The following EYS variants were observed in gnomAD, a reference collection of about 807,000 sequenced individuals.
EYS encodes the protein EGF-like photoreceptor maintenance factor.
In EYS, 250 loss-of-function variants were observed where a neutral mutation model predicts 282.1. The ratio of observed to expected loss-of-function variants is 0.89; its 90% CI spans 0.80 to 0.98. The LOEUF (loss-of-function observed/expected upper bound fraction) is 0.98. Among genes scored for constraint, EYS ranks in the 50% least tolerant of loss-of-function variants. The pLI, the probability that EYS is intolerant of heterozygous loss-of-function variation, is 0.00. For missense variants in EYS, 4,016 were observed against 3,709.0 expected (o/e 1.08, Z -2.15); for synonymous variants, 1,355 against 1,282.9 (o/e 1.06, Z -1.20).
At position 64,707,027 on chromosome 6, in the gene EYS, C is replaced by T. The variant is rs377352592; in HGVS notation, c.3444-80782G>A. On this transcript the variant is annotated intron_variant, in intron 22 of 42. Coordinates refer to ENST00000503581, the MANE Select transcript of EYS (RefSeq NM_001142800.2). The stretch of plus-strand genomic sequence containing the variant: ...CACACACGTTTATAGTAGCAAAATT[C>T]GCAATTGGAAAAATATGGAATCAGA... Among the ~76,000 whole-genome samples the T allele has an allele frequency of 2.8e-4, 42 of 151,920 alleles. 1 individual carries two copies. The East Asian group carries it at 3.5e-3, about 13-fold the overall frequency.
rs576615738 is a variant in EYS, at chr6:63,863,432, T to C, written c.7228+754A>G. On this transcript the variant is annotated intron_variant, in intron 36 of 42. Coordinates refer to ENST00000503581, the MANE Select transcript of EYS (RefSeq NM_001142800.2). ...ATTTAGTTTCTTGATATGTAATAAC[T>C]GTATCATGGGTTTTGTAAAGCAACT... Among the ~76,000 whole-genome samples, 33 of 152,242 alleles carry C rather than the reference T, an allele frequency of 2.2e-4. 1 individual carries two copies. The South Asian group carries it at 6.6e-3, about 31-fold the overall frequency.
At chr6:64,558,590 A>G (rs1765306453) in intron 26 of EYS, among the ~76,000 whole-genome samples, 1 of 152,158 alleles carries the variant, frequency 6.6e-6, no homozygotes, top group African/African-American at 2.4e-5. Context: ...GATAAAAAAG[A>G]TTATTTCAGA....
At chr6:65,262,968 A>G (rs1453517514) in intron 12 of EYS, among the ~76,000 whole-genome samples, 2 of 152,098 alleles carry the variant, frequency 1.3e-5, no homozygotes, top group Non-Finnish European at 2.9e-5. Context: ...GTCTGTTATG[A>G]AGTAGAAATG....
At chr6:63,804,981 G>T (rs1278216950) in intron 37 of EYS, among the ~76,000 whole-genome samples, 3 of 152,140 alleles carry the variant, frequency 2.0e-5, no homozygotes, top group Non-Finnish European at 4.4e-5. Flanking sequence ...CATGGTGGGA[G>T]TCTGAAATAC....
At chr6:64,172,860 G>T (rs1362425709) in intron 31 of EYS, among the ~76,000 whole-genome samples, 1 of 152,176 alleles carries the variant, frequency 6.6e-6, no homozygotes, top group African/African-American at 2.4e-5. Flanking sequence ...CTCCTTATAA[G>T]AATCTAATGC....
chr6:64,801,668 T>C (rs1444983057), intron 22 of EYS, among the ~76,000 whole-genome samples: 1 of 152,052 alleles, frequency 6.6e-6, no homozygotes, highest in Non-Finnish European at 1.5e-5. Context: ...TTATTTAAAA[T>C]GAAAAGGCTA....
intron 22 of EYS, among the ~76,000 whole-genome samples, chr6:64,776,810 T>C (rs1159045679): frequency 6.6e-6 from 1 of 152,154 alleles, no homozygotes; most frequent in African/African-American, 2.4e-5. Context: ...TTTCCTATGC[T>C]TCATTAGCTT....
At chr6:64,196,547 C>T (rs1442078130) in intron 31 of EYS, among the ~76,000 whole-genome samples, 9 of 151,826 alleles carry the variant, frequency 5.9e-5, no homozygotes, top group East Asian at 3.9e-4. Flanking sequence ...ATATACACCA[C>T]GGAATACTAT....
chr6:65,227,021 G>A (rs1766644184), intron 12 of EYS, among the ~76,000 whole-genome samples: 1 of 152,104 alleles, frequency 6.6e-6, no homozygotes, highest in African/African-American at 2.4e-5. Context: ...GATCACCTGA[G>A]ATCGGGAGTG....
At chr6:64,764,792 G>A (rs755854730) in intron 22 of EYS, among the ~76,000 whole-genome samples, 6 of 152,196 alleles carry the variant, frequency 3.9e-5, no homozygotes, top group Non-Finnish European at 8.8e-5. Context: ...TGGCTGGAGT[G>A]CAATGGTATG....
chr6:64,650,572 T>C (rs1768521817), intron 22 of EYS, among the ~76,000 whole-genome samples: 1 of 151,176 alleles, frequency 6.6e-6, no homozygotes, highest in South Asian at 2.1e-4. Flanking sequence ...AGTGAATGCT[T>C]TTTCAAAGAA....
intron 28 of EYS, among the ~76,000 whole-genome samples, chr6:64,398,391 A>T (rs1374294019): frequency 6.6e-6 from 1 of 151,938 alleles, no homozygotes; most frequent in Non-Finnish European, 1.5e-5. Flanking sequence ...TCTTTGAAAT[A>T]TGTTGACTCA....
At chr6:63,964,575 C>T (rs1204733540) in intron 35 of EYS, among the ~76,000 whole-genome samples, 1 of 152,178 alleles carries the variant, frequency 6.6e-6, no homozygotes, top group East Asian at 1.9e-4. Context: ...ATGGAATCCA[C>T]TAGTCCTTGC....
chr6:64,448,952 T>C (rs1775217775), intron 26 of EYS, among the ~76,000 whole-genome samples: 1 of 152,062 alleles, frequency 6.6e-6, no homozygotes, highest in African/African-American at 2.4e-5. Context: ...AGAGAGCATC[T>C]CCTCCTCCAA....
intron 11 of EYS, among the ~76,000 whole-genome samples, chr6:65,296,326 C>T (rs1768664689): frequency 6.6e-6 from 1 of 151,876 alleles, no homozygotes; most frequent in South Asian, 2.1e-4. Context: ...GTGAAAATAA[C>T]TTTGGTGCTG....
At chr6:65,283,726 TA>T in intron 12 of EYS, among the ~76,000 whole-genome samples, 1 of 152,202 alleles carries the variant, frequency 6.6e-6, no homozygotes, top group South Asian at 2.1e-4. Context: ...TATGCCTTTT[TA>T]AGAAAACATT....
intron 29 of EYS, among the ~76,000 whole-genome samples, chr6:64,316,499 C>T (rs185543604): frequency 1.9e-4 from 29 of 152,150 alleles, no homozygotes; most frequent in Admixed American, 1.8e-3. Flanking sequence ...AGGAATACAA[C>T]TTACAAGGGA....
intron 22 of EYS, among the ~76,000 whole-genome samples, chr6:64,801,676 C>CT (rs1562199154): frequency 6.6e-6 from 1 of 151,744 alleles, no homozygotes; most frequent in African/African-American, 2.4e-5. Context: ...AATGAAAAGG[C>CT]TAATAGATGT....
At chr6:65,366,870 T>G (rs1460995136) in intron 8 of EYS, among the ~76,000 whole-genome samples, 2 of 151,568 alleles carry the variant, frequency 1.3e-5, no homozygotes, top group Non-Finnish European at 2.9e-5. Flanking sequence ...CTTCCTTCCT[T>G]CAGCTTTAAA....
Sources: gnomAD v4.1 joint callset for allele counts (sites outside exome capture counted in the v4.1 genomes callset) on GRCh38, gnomAD v4.1.1 for gene constraint, MANE v1.5 for transcripts, NCBI Gene and HGNC (gene_info 2026-07-23, HGNC 2026-07-21) for gene names.